The following SIDT1 variants were observed in gnomAD, a reference collection of about 807,000 sequenced individuals.
SIDT1 encodes SID1 transmembrane family member 1.
A neutral mutation model predicts 107.5 loss-of-function variants in SIDT1; 101 were observed. The ratio of observed to expected loss-of-function variants is 0.94; its 90% confidence interval spans 0.80 to 1.11. The LOEUF (loss-of-function observed/expected upper bound fraction) is 1.11. Among genes scored for constraint, SIDT1 ranks in the 50% least tolerant of loss-of-function variants. The pLI, the probability that SIDT1 is intolerant of heterozygous loss-of-function variation, is 0.00. For synonymous variants in SIDT1, 395 were observed against 398.2 expected (o/e 0.99, Z 0.10); for missense variants, 1,076 against 1,058.2 (o/e 1.02, Z -0.23).
At chr3:113,596,798 C>G (rs1944587990) in intron 10 of SIDT1, among the ~76,000 whole-genome samples, 1 of 152,184 alleles carries the variant, frequency 6.6e-6, no homozygotes, top group Non-Finnish European at 1.5e-5. Flanking sequence ...TGAGTTGCCA[C>G]CAGGAACTGG....
intron 7 of SIDT1, among the ~76,000 whole-genome samples, chr3:113,584,255 A>G (rs1008711748): frequency 3.3e-5 from 5 of 152,228 alleles, no homozygotes; most frequent in African/African-American, 1.2e-4. Context: ...GCCAATGTCA[A>G]ATATTCCTTG....
At chr3:113,561,588 T>C (rs1941431562) in intron 1 of SIDT1, among the ~76,000 whole-genome samples, 2 of 152,204 alleles carry the variant, frequency 1.3e-5, no homozygotes, top group African/African-American at 4.8e-5. Flanking sequence ...TAATGGGCAG[T>C]TGGCGAGTTG....
Position 113,608,535 on chromosome 3 carries a change from CGG to C in SIDT1, c.1720_1720+1del, listed in dbSNP as rs779042763. 6.3e-7 allele frequency: 1 copy of C among 1,590,088 alleles called. No homozygotes were observed. The highest frequency in any genetic ancestry group is 1.3e-5 in the African/African-American group (1 of 74,362). Reference sequence around the variant, plus strand: ...GCCCTAATTATTCCAACTTCCAATTCGGTAATTAGAACTTATATCTACTATAC... The same window carrying C: ...GCCCTAATTATTCCAACTTCCAATTCTAATTAGAACTTATATCTACTATAC... On this transcript the variant is annotated splice_donor_variant and coding_sequence_variant, in exon 17 of 25. Transcript: ENST00000264852. LOFTEE classifies it high-confidence loss of function.
chr3:113,625,898 G>A (rs917926615), intron 23 of SIDT1: 5 of 544,244 alleles, frequency 9.2e-6, no homozygotes, highest in African/African-American at 5.8e-5. Flanking sequence ...GTAGCTTGAT[G>A]TAATCTCGCT....
chr3:113,546,560 T>C (rs1461233246), intron 1 of SIDT1, among the ~76,000 whole-genome samples: 1 of 152,146 alleles, frequency 6.6e-6, no homozygotes, highest in Non-Finnish European at 1.5e-5. Flanking sequence ...GGCTTTTTGG[T>C]TGTCATTTTG....
At chr3:113,623,821 C>CACAGTGTCT in intron 23 of SIDT1, 88 bp downstream of exon 23, 1 of 851,902 alleles carries the variant, frequency 1.2e-6, no homozygotes, top group South Asian at 1.4e-5. Context: ...AATGTGTTTT[C>CACAGTGTCT]ACAGTGTCTA....
In SIDT1 at chr3:113,581,656, T is replaced by C. The variant is rs190083032; in HGVS notation, c.747+212T>C. 314 of 507,254 alleles carry C rather than the reference T, an allele frequency of 6.2e-4. 4 individuals carry two copies. The East Asian group carries it at 0.01, about 17-fold the overall frequency. The allele number at this position is 507,254 out of a possible 1,614,324, so 31.4% of individuals were successfully genotyped here. A position where few individuals can be genotyped will look rare whatever the true frequency, so the allele number is the denominator to read the frequency against. ...GGGAGGCCAAGGCGAGCGGATCACC[T>C]AAAGTCAGGAGTTTGAGACCAGCCT... is the stretch of plus-strand genomic sequence containing the variant. On this transcript the variant is annotated intron_variant, in intron 6 of 24. Coordinates refer to ENST00000264852, the MANE Select transcript of SIDT1 (RefSeq NM_017699.3).
At chr3:113,625,135 C>T (rs1283605847) in intron 23 of SIDT1, among the ~76,000 whole-genome samples, 6 of 106,776 alleles carry the variant, frequency 5.6e-5, no homozygotes, top group Admixed American at 1.2e-4. Flanking sequence ...TTCTTTCTTT[C>T]TTTTTTTTGG....
At chr3:113,605,074 A>G in intron 14 of SIDT1, 98 bp downstream of exon 14, 3 of 1,261,334 alleles carry the variant, frequency 2.4e-6, no homozygotes, top group South Asian at 1.3e-5. Context: ...CTTAGGATCC[A>G]TTCAGGAATT....
intron 4 of SIDT1, among the ~76,000 whole-genome samples, chr3:113,578,301 T>TA (rs1032822993): frequency 3.4e-4 from 52 of 151,090 alleles, no homozygotes; most frequent in Middle Eastern, 3.5e-3. Flanking sequence ...TCGTCTCTAC[T>TA]AAAAAAATAC....
intron 1 of SIDT1, among the ~76,000 whole-genome samples, chr3:113,542,932 G>GTTTGTT (rs1285748041): frequency 7.0e-6 from 1 of 142,362 alleles, no homozygotes; most frequent in African/African-American, 2.9e-5. Flanking sequence ...GTGTGTGTGT[G>GTTTGTT]TGTGTGTTTG....
intron 6 of SIDT1, among the ~76,000 whole-genome samples, chr3:113,582,685 G>A (rs1008868165): frequency 3.9e-5 from 6 of 152,022 alleles, no homozygotes; most frequent in South Asian, 2.1e-4. Flanking sequence ...GCAATGAGCC[G>A]AGATCACGCC....
At chr3:113,547,828 G>C (rs977198367) in intron 1 of SIDT1, among the ~76,000 whole-genome samples, 3 of 152,068 alleles carry the variant, frequency 2.0e-5, no homozygotes, top group African/African-American at 7.2e-5. Context: ...GCCTTCTACA[G>C]TTGGTCTCAA....
In SIDT1 at chr3:113,607,763, G is replaced by A. The variant is rs529692674; in HGVS notation, c.1479-331G>A. The stretch of plus-strand genomic sequence containing the variant: ...TGTGAGAACTCACTCTCACGGTGTA[G>A]CTGAAACACTTGCCTGTCTTTGAAG... On this transcript the variant is annotated intron_variant, in intron 15 of 24. Transcript: ENST00000264852. Among the ~76,000 whole-genome samples the A allele has an allele frequency of 2.6e-5, 4 of 152,330 alleles. No individual in the cohort carries two copies. The East Asian group carries it at 7.7e-4, about 29-fold the overall frequency.
At chr3:113,621,189 A>G (rs1331417788) in intron 21 of SIDT1, among the ~76,000 whole-genome samples, 1 of 152,248 alleles carries the variant, frequency 6.6e-6, no homozygotes, top group Non-Finnish European at 1.5e-5. Context: ...AAAATGACAA[A>G]GCAAATGTAA....
chr3:113,579,370 C>A (rs1399041291), intron 4 of SIDT1, among the ~76,000 whole-genome samples: 1 of 152,166 alleles, frequency 6.6e-6, no homozygotes, highest in Non-Finnish European at 1.5e-5. Flanking sequence ...TTATTGCCAA[C>A]AGTAATCATA....
chr3:113,602,349 T>G (rs1945017285), intron 11 of SIDT1: 1 of 152,280 alleles, frequency 6.6e-6, no homozygotes, highest in African/African-American at 2.4e-5. Flanking sequence ...GCATGTGGGC[T>G]CAGTGCAGAC....
At chr3:113,542,617 A>G (rs6782872) in intron 1 of SIDT1, among the ~76,000 whole-genome samples, 149,981 of 152,318 alleles carry the variant, frequency 0.98, 73,883 homozygotes, top group Middle Eastern at 1. Context: ...TGCAATCCTT[A>G]TCTATTGCTC....
intron 6 of SIDT1, among the ~76,000 whole-genome samples, chr3:113,582,857 T>C (rs1403911544): frequency 6.6e-6 from 1 of 152,130 alleles, no homozygotes; most frequent in Non-Finnish European, 1.5e-5. Context: ...GATTTTTTTT[T>C]AAGTCTGGGT....
Sources: allele counts gnomAD v4.1 joint callset (sites outside exome capture counted in the v4.1 genomes callset), GRCh38; gene constraint gnomAD v4.1.1; transcripts MANE v1.5; gene names NCBI Gene and HGNC (gene_info 2026-07-23, HGNC 2026-07-21).